Variants in TAFA1 observed in about 807,000 individuals in gnomAD.
The protein encoded by TAFA1 is TAFA chemokine like family member 1, also known as chemokine-like protein TAFA-1.
A neutral mutation model predicts 18.5 loss-of-function variants in TAFA1; 4 were observed. The observed-to-expected ratio is 0.22, with a 90% CI of 0.11 to 0.49. The LOEUF (loss-of-function observed/expected upper bound fraction) is 0.49, where lower values mean the gene tolerates loss of function less well. Among genes scored for constraint, TAFA1 ranks in the 20% least tolerant of loss-of-function variants. The pLI, the probability that TAFA1 is intolerant of heterozygous loss-of-function variation, is 0.98. For missense variants in TAFA1, 147 were observed against 169.0 expected, an observed-to-expected ratio of 0.87 and a Z score of 0.72; for synonymous variants, 56 against 55.2, an observed-to-expected ratio of 1.01 and a Z score of -0.06.
chr3:68,386,287 A>G (rs1330427047), intron 2 of TAFA1, among the ~76,000 whole-genome samples: 1 of 152,210 alleles, frequency 6.6e-6, no homozygotes, highest in East Asian at 1.9e-4. Context: ...CTGGAATTTG[A>G]AGCACTTTTA....
At chr3:68,305,423 ATATATATATATATATAT>A (rs2068394861) in intron 2 of TAFA1, among the ~76,000 whole-genome samples, 6 of 94,322 alleles carry the variant, frequency 6.4e-5, no homozygotes, top group East Asian at 3.0e-4. Context: ...ATATATATAT[ATATATATATATATATAT>A]ATATATATAT....
chr3:68,332,127 T>C (rs1165686276), intron 2 of TAFA1, among the ~76,000 whole-genome samples: 1 of 151,742 alleles, frequency 6.6e-6, no homozygotes, highest in Non-Finnish European at 1.5e-5. Context: ...CCTCCCAAAG[T>C]GCTGAGATTA....
chr3:68,007,392 A>G (rs1214802621), intron 2 of TAFA1, among the ~76,000 whole-genome samples: 2 of 151,984 alleles, frequency 1.3e-5, no homozygotes, highest in African/African-American at 4.8e-5. Context: ...TCTTCCTCTT[A>G]ATGTTCAAAG....
intron 3 of TAFA1, among the ~76,000 whole-genome samples, chr3:68,519,506 AT>A (rs1290179739): frequency 4.6e-5 from 7 of 152,254 alleles, no homozygotes; most frequent in African/African-American, 1.7e-4. Context: ...AGTATGATGC[AT>A]TTCATAAATA....
chr3:68,224,959 A>G (rs566842705), intron 2 of TAFA1, among the ~76,000 whole-genome samples: 56 of 121,694 alleles, frequency 4.6e-4, no homozygotes, highest in African/African-American at 1.8e-3. Flanking sequence ...CCTAGGCTGG[A>G]GTACAGTGGT....
At chr3:68,384,322 T>C (rs574542343) in intron 2 of TAFA1, among the ~76,000 whole-genome samples, 292 of 152,082 alleles carry the variant, frequency 1.9e-3, no homozygotes, top group African/African-American at 6.8e-3. Flanking sequence ...GCTCTAAATC[T>C]ATCTTAACAC....
chr3:68,281,467 CTTT>C (rs10713944), intron 2 of TAFA1, among the ~76,000 whole-genome samples: 8 of 111,696 alleles, frequency 7.2e-5, no homozygotes, highest in Non-Finnish European at 1.3e-4. Flanking sequence ...CCACATTAAC[CTTT>C]TTTTTTTTTT....
chr3:68,039,571 T>C (rs1705121738), intron 2 of TAFA1, among the ~76,000 whole-genome samples: 1 of 152,204 alleles, frequency 6.6e-6, no homozygotes, highest in African/African-American at 2.4e-5. Context: ...AAAGATTGTG[T>C]AGCATTTCAT....
At chr3:68,072,629 A>C (rs975629687) in intron 2 of TAFA1, among the ~76,000 whole-genome samples, 2 of 152,190 alleles carry the variant, frequency 1.3e-5, no homozygotes, top group Non-Finnish European at 2.9e-5. Context: ...GTTAGGAAGA[A>C]GAGAGGGACG....
chr3:68,100,645 A>G (rs1050948919), intron 2 of TAFA1, among the ~76,000 whole-genome samples: 1 of 152,168 alleles, frequency 6.6e-6, no homozygotes, highest in Non-Finnish European at 1.5e-5. Context: ...CCAGCTATCT[A>G]TTGACCCAAT....
At chr3:68,159,415 A>G (rs1353316221) in intron 2 of TAFA1, among the ~76,000 whole-genome samples, 2 of 152,258 alleles carry the variant, frequency 1.3e-5, no homozygotes, top group African/African-American at 4.8e-5. Context: ...AAAACATGCC[A>G]GAACGTCTGT....
chr3:68,080,519 A>T (rs1180268929), intron 2 of TAFA1, among the ~76,000 whole-genome samples: 4 of 151,786 alleles, frequency 2.6e-5, no homozygotes. Flanking sequence ...GTGGTGACAA[A>T]ATCTCTCAGC....
chr3:68,457,726 A>G (rs2071691131), intron 3 of TAFA1, among the ~76,000 whole-genome samples: 1 of 152,220 alleles, frequency 6.6e-6, no homozygotes. Flanking sequence ...AACATGTTAT[A>G]TGATAGATCT....
intron 2 of TAFA1, among the ~76,000 whole-genome samples, chr3:68,191,478 C>T (rs1415248728): frequency 6.6e-6 from 1 of 151,796 alleles, no homozygotes; most frequent in Non-Finnish European, 1.5e-5. Context: ...CGATGCTAAG[C>T]TAAAAGTGTA....
chr3:68,105,915 A>C (rs2065197869), intron 2 of TAFA1, among the ~76,000 whole-genome samples: 1 of 152,132 alleles, frequency 6.6e-6, no homozygotes, highest in Non-Finnish European at 1.5e-5. Context: ...TATGTCAGAA[A>C]CTGGTGTTGG....
chr3:68,237,607 A>T (rs987330772), intron 2 of TAFA1, among the ~76,000 whole-genome samples: 12 of 152,186 alleles, frequency 7.9e-5, no homozygotes, highest in Admixed American at 7.9e-4. Flanking sequence ...TTGGAGGCAG[A>T]TTATCTCAAA....
intron 3 of TAFA1, among the ~76,000 whole-genome samples, chr3:68,486,656 T>C (rs977243797): frequency 1.3e-5 from 2 of 152,216 alleles, no homozygotes; most frequent in Admixed American, 6.5e-5. Flanking sequence ...ACAAGACATA[T>C]AGCAAAGCAT....
At chr3:68,102,455 A>C (rs2065158864) in intron 2 of TAFA1, among the ~76,000 whole-genome samples, 1 of 152,192 alleles carries the variant, frequency 6.6e-6, no homozygotes, top group Admixed American at 6.6e-5. Flanking sequence ...TACCATAATT[A>C]ATAGGGGAAC....
chr3:68,125,914 C>T (rs1412925607), intron 2 of TAFA1, among the ~76,000 whole-genome samples: 2 of 152,154 alleles, frequency 1.3e-5, no homozygotes, highest in Non-Finnish European at 2.9e-5. Flanking sequence ...AATTATGCAG[C>T]CCCTCATCCT....
Sources: gnomAD v4.1 joint callset for allele counts (sites outside exome capture counted in the v4.1 genomes callset) on GRCh38, gnomAD v4.1.1 for gene constraint, MANE v1.5 for transcripts, NCBI Gene and HGNC (gene_info 2026-07-23, HGNC 2026-07-21) for gene names.